The following LAMA4 variants were observed in gnomAD, a reference collection of about 807,000 sequenced individuals.
The protein encoded by LAMA4 is laminin subunit alpha 4, also known as laminin subunit alpha-4.
In LAMA4, 127 loss-of-function variants were observed where a neutral mutation model predicts 207.1. The observed-to-expected ratio is 0.61, with a 90% CI of 0.53 to 0.71. The LOEUF (loss-of-function observed/expected upper bound fraction) is 0.71. Among genes scored for constraint, LAMA4 ranks in the 30% least tolerant of loss-of-function variants. The pLI is 0.00. For synonymous variants in LAMA4, 761 were observed against 816.0 expected (o/e 0.93, Z 1.15); for missense variants, 2,093 against 2,246.5 (o/e 0.93, Z 1.38).
intron 6 of LAMA4, among the ~76,000 whole-genome samples, chr6:112,190,895 C>CT (rs1471492688): frequency 1.3e-5 from 1 of 74,738 alleles, no homozygotes; most frequent in African/African-American, 5.2e-5. Context: ...TTCTTTCTTT[C>CT]TTTCTTTCTT....
chr6:112,229,841 T>A (rs1183632006), intron 2 of LAMA4, among the ~76,000 whole-genome samples: 1 of 152,188 alleles, frequency 6.6e-6, no homozygotes, highest in Non-Finnish European at 1.5e-5. Context: ...TTTCAGAGAA[T>A]CAAAATAGAT....
At chr6:112,139,023 G>A (rs1779518799) in intron 24 of LAMA4, 97 bp downstream of exon 24, 4 of 1,189,824 alleles carry the variant, frequency 3.4e-6, no homozygotes, top group Non-Finnish European at 5.0e-6. Context: ...TCAGTTTGAT[G>A]GCATGACACA....
At chr6:112,222,211 A>G (rs1427035354) in intron 2 of LAMA4, among the ~76,000 whole-genome samples, 1 of 152,240 alleles carries the variant, frequency 6.6e-6, no homozygotes, top group Non-Finnish European at 1.5e-5. Context: ...TCTTGTTTGC[A>G]TAATTGAAAT....
intron 9 of LAMA4, among the ~76,000 whole-genome samples, chr6:112,181,195 C>T (rs1032729458): frequency 1.1e-4 from 16 of 152,200 alleles, no homozygotes; most frequent in Non-Finnish European, 1.3e-4. Flanking sequence ...GACAGCAACC[C>T]ACTGCTCTCT....
intron 2 of LAMA4, among the ~76,000 whole-genome samples, chr6:112,240,790 G>A (rs1162146602): frequency 2.0e-5 from 3 of 151,968 alleles, no homozygotes; most frequent in African/African-American, 7.3e-5. Flanking sequence ...CCATTCATCT[G>A]TTGATGGACA....
chr6:112,121,139 C>G lies in LAMA4; in HGVS notation c.4476-667G>C, dbSNP rs117799684. Among the ~76,000 whole-genome samples the G allele has an allele frequency of 1.5e-3, 225 of 151,694 alleles. 2 individuals carry two copies. Among genetic ancestry groups the G allele is most frequent in the South Asian group, 0.011 (54 of 4,810 alleles). On this transcript the variant is annotated intron_variant, in intron 32 of 38. Coordinates refer to ENST00000230538, the MANE Select transcript of LAMA4 (RefSeq NM_001105206.3). ...TGTTAAAGAAGCTTATCCATGTGGA[C>G]AAAATACTAGTGAATAATACAAATA...
chr6:112,117,848 A>T lies in LAMA4; in HGVS notation c.4872T>A (p.Asn1624Lys). ...GAGAAGCAGAGGTGATGGAGGCCCC[A>T]TTGAGCTGGAGATTGCTGAGACAGC... ...FSGCLSNLQL[N>K]GASITSASQT... is the part of the protein sequence containing the mutation. The change falls in exon 35 of 39, where the codon AAT (asparagine) becomes AAA (lysine). Residue 1624 changes from asparagine (N) to lysine (K), a missense_variant. Asn to Lys is a moderately conservative substitution (Grantham distance 94, BLOSUM62 0). Coordinates refer to ENST00000230538, the MANE Select transcript of LAMA4 (RefSeq NM_001105206.3). The surrounding 1 kb of genome is among the most constrained non-coding windows in gnomAD (Gnocchi z 4.5). The T allele has an allele frequency of 6.2e-7, 1 of 1,613,766 alleles. No homozygotes were observed. Among genetic ancestry groups the T allele is most frequent in the Non-Finnish European group, 8.5e-7 (1 of 1,179,740 alleles).
In LAMA4 at chr6:112,206,892, C is replaced by T; in HGVS notation, c.422+129G>A. On this transcript the variant is annotated intron_variant, in intron 4 of 38. Coordinates refer to ENST00000230538, the MANE Select transcript of LAMA4 (RefSeq NM_001105206.3). ...AAACTTTTTCTATATCTTTTCCAGTCTCATCTCAATATGAGGTTTTGCCTG... is the reference window on the plus strand; with the variant it reads ...AAACTTTTTCTATATCTTTTCCAGTTTCATCTCAATATGAGGTTTTGCCTG... The T allele has an allele frequency of 2.8e-6, 3 of 1,068,782 alleles. No individual in the cohort carries two copies. In the East Asian group the frequency reaches 7.2e-5, roughly 26 times the overall value. 66.2% of individuals were successfully genotyped at this position (1,068,782 alleles called of 1,614,324 possible).
At chr6:112,167,539 GA>G (rs782610982) in intron 12 of LAMA4, among the ~76,000 whole-genome samples, 1 of 152,090 alleles carries the variant, frequency 6.6e-6, no homozygotes, top group Non-Finnish European at 1.5e-5. Context: ...TTGTTGGAAG[GA>G]ATTAAAATTT....
chr6:112,139,938 A>G, intron 22 of LAMA4, 53 bp from the exon 23 acceptor site: 1 of 1,566,928 alleles, frequency 6.4e-7, no homozygotes, highest in Non-Finnish European at 8.8e-7. Context: ...TTTTACTCAG[A>G]CATCACAGAA....
chr6:112,140,426 G>A (rs781989110), intron 22 of LAMA4, among the ~76,000 whole-genome samples: 1 of 152,146 alleles, frequency 6.6e-6, no homozygotes, highest in Non-Finnish European at 1.5e-5. Flanking sequence ...CCACTGCAAA[G>A]CTGAAGATTA....
chr6:112,178,322 T>A (rs2114896556), intron 9 of LAMA4, 90 bp from the exon 10 acceptor site: 1 of 873,462 alleles, frequency 1.1e-6, no homozygotes, highest in Non-Finnish European at 1.9e-6. Context: ...ATAATGTATT[T>A]CCTAAACGTA....
intron 3 of LAMA4, among the ~76,000 whole-genome samples, chr6:112,210,302 A>G (rs1156669400): frequency 6.6e-6 from 1 of 152,118 alleles, no homozygotes; most frequent in Non-Finnish European, 1.5e-5. Context: ...GCAGTTAGGT[A>G]TGACTTTATA....
At chr6:112,163,491 C>T (rs1554339017) in intron 13 of LAMA4, among the ~76,000 whole-genome samples, 1 of 152,038 alleles carries the variant, frequency 6.6e-6, no homozygotes, top group East Asian at 1.9e-4. Flanking sequence ...ATGAGCGGTA[C>T]CAGAGCAGCC....
At position 112,142,289 on chromosome 6, in the gene LAMA4, G is replaced by A; in HGVS notation, c.2497C>T (p.Gln833Ter). 6.2e-7 allele frequency: 1 copy of A among 1,614,038 alleles called. No homozygotes were observed. ...TGGCCATCAAACATCATGGAGACTT[G>A]GATCTGGAGTGACACAACGGTTTCA... ...AQTRSVASKI[Q>*]VSMMFDGQSA... Residue 833 changes from glutamine to a stop codon, truncating the protein, a stop_gained, in exon 20 of 39, where the codon CAA becomes TAA. Transcript: ENST00000230538. LOFTEE classifies it high-confidence loss of function.
chr6:112,155,036 T>C (rs1240303295), intron 15 of LAMA4, 89 bp from the exon 16 acceptor site: 10 of 880,318 alleles, frequency 1.1e-5, no homozygotes, highest in Non-Finnish European at 1.9e-5. Context: ...ACAGTTTATC[T>C]GCTAAACACC....
chr6:112,235,395 A>T lies in LAMA4; in HGVS notation c.195+18561T>A, dbSNP rs184264604. ...CAGTAGAAAAATTCTACATATAAAA[A>T]TGGAGCTGCTGAAACTCAGAATTGT... On this transcript the variant is annotated intron_variant, in intron 2 of 38. Coordinates refer to ENST00000230538, the MANE Select transcript of LAMA4 (RefSeq NM_001105206.3). Among the ~76,000 whole-genome samples, 297 of 152,340 alleles carry T rather than the reference A, an allele frequency of 1.9e-3. 2 individuals are homozygous for T. The highest frequency in any genetic ancestry group is 5.1e-3 in the Admixed American group (78 of 15,294).
At chr6:112,245,516 A>G (rs548850852) in intron 2 of LAMA4, among the ~76,000 whole-genome samples, 5 of 152,310 alleles carry the variant, frequency 3.3e-5, no homozygotes, top group African/African-American at 1.2e-4. Flanking sequence ...TAGTGAAGGT[A>G]CTTTTGATTC....
chr6:112,166,847 G>T (rs1223901407), intron 12 of LAMA4, among the ~76,000 whole-genome samples: 3 of 152,140 alleles, frequency 2.0e-5, no homozygotes, highest in African/African-American at 7.2e-5. Context: ...ATGCTTCACT[G>T]TGCATATTAC....
Sources: gnomAD v4.1 joint callset for allele counts (sites outside exome capture counted in the v4.1 genomes callset) on GRCh38, gnomAD v4.1.1 for gene constraint, Gnocchi (gnomAD v3.1) non-coding constraint, MANE v1.5 for transcripts, NCBI Gene and HGNC (gene_info 2026-07-23, HGNC 2026-07-21) for gene names.